The following SLC43A3 variants were observed in gnomAD, a reference collection of about 807,000 sequenced individuals.
SLC43A3 encodes the protein solute carrier family 43 member 3, also known as equilibrative nucleobase transporter 1.
SLC43A3 carries 33 observed loss-of-function variants against 53.3 expected under a neutral mutation model. That is an observed-to-expected ratio of 0.62 (90% CI 0.47 to 0.83). SLC43A3 has a LOEUF of 0.83. Ranked by LOEUF, SLC43A3 falls within the 40% of genes least tolerant of loss-of-function variation. The pLI is 0.00. For synonymous variants in SLC43A3, 236 were observed against 246.2 expected (o/e 0.96, Z 0.39); for missense variants, 530 against 610.0 (o/e 0.87, Z 1.38).
chr11:57,409,153 T>C, intron 13 of SLC43A3, 22 bp downstream of exon 13: 1 of 1,613,904 alleles, frequency 6.2e-7, no homozygotes, highest in Non-Finnish European at 8.5e-7. Flanking sequence ...CTGCCAGGGA[T>C]CCCCATCCTC....
At chr11:57,409,379 G>T in intron 12 of SLC43A3, 81 bp from the exon 13 acceptor site, 1 of 1,545,796 alleles carries the variant, frequency 6.5e-7, no homozygotes, top group South Asian at 1.1e-5. Context: ...GGGGGCTGTC[G>T]GCCGCTTGTC....
chr11:57,413,655 ATACCTC>A (rs1172371307), intron 11 of SLC43A3, among the ~76,000 whole-genome samples: 1 of 152,112 alleles, frequency 6.6e-6, no homozygotes, highest in African/African-American at 2.4e-5. Context: ...ATACCTCAGC[ATACCTC>A]TACTCCTCCA....
chr11:57,414,606 G>C lies in SLC43A3; in HGVS notation c.1060+9C>G, dbSNP rs367910535. The C allele has an allele frequency of 3.5e-6, 5 of 1,435,448 alleles. No individual in the cohort carries two copies. The highest frequency in any genetic ancestry group is 4.7e-6 in the Non-Finnish European group (5 of 1,055,578). 88.9% of individuals were successfully genotyped at this position (1,435,448 alleles called of 1,614,324 possible). ...CCCTGACCAGCCCCTGCCCTCCCCC[G>C]CATCTCACCTGTCTTTCTTGCTTCC... On this transcript the variant is annotated intron_variant, in intron 11 of 13. Transcript: ENST00000395124.
chr11:57,424,046 A>G lies in SLC43A3; in HGVS notation c.315-18T>C, dbSNP rs1034605953. On this transcript the variant is annotated intron_variant, in intron 4 of 13. Transcript: ENST00000395124. The stretch of plus-strand genomic sequence containing the variant: ...AGAAAAATCTGAAACACATAACAGG[A>G]AAAGCAGAATATTGTCAAGGAGGGA... 2.5e-6 allele frequency: 4 copies of G among 1,613,088 alleles called. No individual in the cohort carries two copies. The African/African-American group carries it at 5.3e-5, about 22-fold the overall frequency.
At chr11:57,416,084 AC>A (rs1267245678) in intron 9 of SLC43A3, among the ~76,000 whole-genome samples, 1 of 152,080 alleles carries the variant, frequency 6.6e-6, no homozygotes, top group Non-Finnish European at 1.5e-5. Flanking sequence ...TTGTCCTTCG[AC>A]CTGCATCTCC....
chr11:57,424,130 C>T (rs972437838), intron 4 of SLC43A3, 102 bp from the exon 5 acceptor site: 13 of 1,175,456 alleles, frequency 1.1e-5, no homozygotes, highest in South Asian at 3.9e-5. Flanking sequence ...AGGACTTGAC[C>T]GCACCCTCAG....
rs1252513571 is a variant in SLC43A3, at chr11:57,417,889, T to G, written c.532-2A>C. The G allele has an allele frequency of 1.9e-6, 3 of 1,613,784 alleles. No individual in the cohort carries two copies. The African/African-American group carries it at 4.0e-5, about 22-fold the overall frequency. ...GCTGATGCCTTTTTCATAAAGAAGC[T>G]GCAGAAGGAGAAGGAAAAAGTCAGT... is the stretch of plus-strand genomic sequence containing the variant. On this transcript the variant is annotated splice_acceptor_variant, in intron 7 of 13. Coordinates refer to ENST00000395124, the MANE Select transcript of SLC43A3 (RefSeq NM_199329.3). LOFTEE classifies it high-confidence loss of function.
Position 57,416,584 on chromosome 11 carries a change from G to T in SLC43A3, c.758C>A (p.Ser253Ter). ...NRELQSKEFLSAKEETPGAGQ... is the reference protein window; with the variant it reads ...NRELQSKEFL ...CCAGCAGGGCTCACCTTCCTTCGCT[G>T]AAAGGAACTCCTTTGACTGTAGCTC... The change falls in exon 9 of 14, where the codon TCA becomes TAA. Residue 253 changes from serine (S) to a stop codon, truncating the protein, a stop_gained. Coordinates refer to ENST00000395124, the MANE Select transcript of SLC43A3 (RefSeq NM_199329.3). LOFTEE classifies it high-confidence loss of function. 1 of 1,613,442 alleles carries T rather than the reference G, an allele frequency of 6.2e-7. No individual in the cohort carries two copies. The highest frequency in any genetic ancestry group is 8.5e-7 in the Non-Finnish European group (1 of 1,179,406).
chr11:57,420,903 T>C (rs986393748), intron 7 of SLC43A3, 69 bp downstream of exon 7: 3 of 1,047,742 alleles, frequency 2.9e-6, no homozygotes, highest in South Asian at 2.6e-5. Flanking sequence ...AGACAAATAA[T>C]GCAGGTTCAC....
chr11:57,409,793 AC>A, intron 12 of SLC43A3, 141 bp downstream of exon 12: 1 of 704,722 alleles, frequency 1.4e-6, no homozygotes, highest in Non-Finnish European at 2.4e-6. Flanking sequence ...CTCTGGTCTC[AC>A]CCCCTCCACA....
intron 10 of SLC43A3, 52 bp downstream of exon 10, chr11:57,414,881 G>C (rs377408221): frequency 3.1e-4 from 489 of 1,599,372 alleles, no homozygotes; most frequent in Non-Finnish European, 3.8e-4. Flanking sequence ...GGGAGGCTCT[G>C]TGTTCCCAGC....
chr11:57,408,153 C>T (rs1942284851), intron 13 of SLC43A3: 1 of 381,448 alleles, frequency 2.6e-6, no homozygotes, highest in East Asian at 4.9e-5. Context: ...GCCTAGCGAG[C>T]ATTCAATGAC....
intron 6 of SLC43A3, 29 bp from the exon 7 acceptor site, chr11:57,421,093 C>T (rs1565101041): frequency 4.0e-6 from 6 of 1,517,154 alleles, no homozygotes; most frequent in African/African-American, 1.4e-5. Context: ...GCCTGGATCA[C>T]TTATTTATTC....
chr11:57,419,817 A>AC (rs1942907474), intron 7 of SLC43A3, among the ~76,000 whole-genome samples: 1 of 18,312 alleles, frequency 5.5e-5, no homozygotes, highest in South Asian at 4.3e-3. Context: ...AAAAAAAAAA[A>AC]GAGAGAGGAA....
rs760973618 is a variant in SLC43A3, at chr11:57,426,097, C to T, written c.76G>A (p.Val26Ile). The change falls in exon 3 of 14, where the codon GTC (valine) becomes ATC (isoleucine). Residue 26 changes from valine to isoleucine, a missense_variant. Coordinates refer to ENST00000395124, the MANE Select transcript of SLC43A3 (RefSeq NM_199329.3). ...ACTAGTGAAGGCCAGCCAAAGAGGA[C>T]GCCAGCAAAGCCCAGGCATTCCAGC... ...GLLECLGFAG[V>I]LFGWPSLVFV... 6.2e-6 allele frequency: 10 copies of T among 1,614,110 alleles called. No individual in the cohort carries two copies. Among genetic ancestry groups the T allele is most frequent in the Admixed American group, 3.3e-5 (2 of 60,008 alleles).
At position 57,421,061 on chromosome 11, in the gene SLC43A3, C is replaced by T. The variant is rs1469964375; in HGVS notation, c.442G>A (p.Gly148Arg). The T allele has an allele frequency of 6.2e-7, 1 of 1,608,436 alleles. No homozygotes were observed. The highest frequency in any genetic ancestry group is 8.5e-7 in the Non-Finnish European group (1 of 1,174,884). The change falls in exon 7 of 14, where the codon GGG becomes AGG. Residue 148 changes from glycine (G) to arginine (R), a missense_variant. Around this residue, in one of 3 missense-constraint regions of SLC43A3, gnomAD observed 376 missense variants for 386.7 expected, o/e 0.97. Transcript: ENST00000395124. ...GAACGGTGTTGGCCAAATAGGTTCCCAATCTGGGGATGATAGGACTAGCCT... is the reference window on the plus strand; with the variant it reads ...GAACGGTGTTGGCCAAATAGGTTCCTAATCTGGGGATGATAGGACTAGCCT... Reference protein sequence around the residue: ...ILFLITNLQIGNLFGQHRSTI... With the variant: ...ILFLITNLQIRNLFGQHRSTI...
rs1943092725 is a variant in SLC43A3 at position 57,423,885 on chromosome 11, G to A, written c.361+97C>T. On this transcript the variant is annotated intron_variant, in intron 5 of 13. Coordinates refer to ENST00000395124, the MANE Select transcript of SLC43A3 (RefSeq NM_199329.3). ...GCTGCAGATCTCTGAATAACCATGTGGTCTGTATATCTTGCCTATAGCCCT... is the reference window on the plus strand; with the variant it reads ...GCTGCAGATCTCTGAATAACCATGTAGTCTGTATATCTTGCCTATAGCCCT... 8.4e-6 allele frequency: 8 copies of A among 955,928 alleles called. No homozygotes were observed. The Admixed American group carries it at 1.3e-4, about 15-fold the overall frequency. The allele number at this position is 955,928 out of a possible 1,614,324, so 59.2% of individuals were successfully genotyped here. A position where few individuals can be genotyped will look rare whatever the true frequency, so the allele number is the denominator to read the frequency against.
chr11:57,416,490 G>A lies in SLC43A3; in HGVS notation c.769+83C>T, dbSNP rs1437128236. ...CCTTTCCTGATTCTGGGTCCCTGGG[G>A]GAGCTCTGGAGGTGAGGGGCCAGGA... On this transcript the variant is annotated intron_variant, in intron 9 of 13. Coordinates refer to ENST00000395124, the MANE Select transcript of SLC43A3 (RefSeq NM_199329.3). 40 of 1,036,768 alleles carry A rather than the reference G, an allele frequency of 3.9e-5. No homozygotes were observed. The East Asian group carries it at 9.0e-4, about 23-fold the overall frequency. The allele number at this position is 1,036,768 out of a possible 1,614,324, so 64.2% of individuals were successfully genotyped here.
intron 8 of SLC43A3, 81 bp from the exon 9 acceptor site, chr11:57,416,751 G>A (rs60961847): frequency 0.18 from 191,186 of 1,059,902 alleles, 17,833 homozygotes; most frequent in South Asian, 0.2. Flanking sequence ...ATAGCATGGT[G>A]AATCCCACAT....
Sources: gnomAD v4.1 joint callset for allele counts (sites outside exome capture counted in the v4.1 genomes callset) on GRCh38, gnomAD v4.1.1 for gene constraint, gnomAD v4.1.1 regional missense constraint, MANE v1.5 for transcripts, NCBI Gene and HGNC (gene_info 2026-07-23, HGNC 2026-07-21) for gene names.